Variants in EYA4 observed in about 807,000 individuals in gnomAD.
EYA4 encodes protein phosphatase EYA4.
EYA4 carries 31 observed loss-of-function variants against 87.9 expected under a neutral mutation model. The observed-to-expected ratio is 0.35, with a 90% CI of 0.27 to 0.48. The LOEUF is 0.48. Among genes scored for constraint, EYA4 ranks in the 20% least tolerant of loss-of-function variants. The probability of loss-of-function intolerance (pLI) is 0.99; values close to 1 mark genes in which losing one functional copy is unlikely to be tolerated. For synonymous variants in EYA4, 263 were observed against 270.6 expected (o/e 0.97, Z 0.28); for missense variants, 678 against 761.4 (o/e 0.89, Z 1.29).
At chr6:133,495,197 A>C (rs1327045510) in intron 13 of EYA4, among the ~76,000 whole-genome samples, 1 of 152,072 alleles carries the variant, frequency 6.6e-6, no homozygotes, top group African/African-American at 2.4e-5. Context: ...TGAACCCCAG[A>C]GGCAGAGGTT....
At position 133,529,348 on chromosome 6, in the gene EYA4, A is replaced by T; in HGVS notation, c.*543A>T. ...TATTAGCAGCTGACTTTCAAAGTGG[A>T]TGCAATTTTTCTTTCTTTTGTTGGG... On this transcript the variant is annotated 3_prime_UTR_variant, in exon 20 of 20. Transcript: ENST00000355286. 4.0e-6 allele frequency: 4 copies of T among 994,218 alleles called. No individual in the cohort carries two copies. The highest frequency in any genetic ancestry group is 5.2e-4 in the Middle Eastern group (1 of 1,926). 61.6% of individuals were successfully genotyped at this position (994,218 alleles called of 1,614,324 possible).
intron 3 of EYA4, among the ~76,000 whole-genome samples, chr6:133,422,521 TA>T (rs1430617849): frequency 6.6e-6 from 1 of 152,228 alleles, no homozygotes; most frequent in African/African-American, 2.4e-5. Context: ...CTCTTTTAGA[TA>T]GACATTTAAG....
At chr6:133,384,849 A>G (rs1037807762) in intron 3 of EYA4, among the ~76,000 whole-genome samples, 4 of 152,250 alleles carry the variant, frequency 2.6e-5, no homozygotes, top group African/African-American at 9.6e-5. Context: ...AATTTACTGA[A>G]TAGTGAACAA....
chr6:133,467,885 A>G (rs1794985873), intron 10 of EYA4, among the ~76,000 whole-genome samples: 1 of 152,060 alleles, frequency 6.6e-6, no homozygotes, highest in African/African-American at 2.4e-5. Context: ...ATTTTTAAAT[A>G]AAAAGCAGGT....
At chr6:133,349,827 G>C (rs12526763) in intron 2 of EYA4, among the ~76,000 whole-genome samples, 1 of 152,028 alleles carries the variant, frequency 6.6e-6, no homozygotes, top group Non-Finnish European at 1.5e-5. Flanking sequence ...CATAAATATC[G>C]ATTTCCAATT....
At chr6:133,373,541 A>C (rs891527600) in intron 2 of EYA4, among the ~76,000 whole-genome samples, 3 of 152,068 alleles carry the variant, frequency 2.0e-5, no homozygotes, top group African/African-American at 7.2e-5. Context: ...GAAGCTGCAC[A>C]GTAGTCAGCA....
At chr6:133,313,261 G>A (rs530097958) in intron 2 of EYA4, among the ~76,000 whole-genome samples, 1 of 152,300 alleles carries the variant, frequency 6.6e-6, no homozygotes, top group Non-Finnish European at 1.5e-5. Flanking sequence ...TGTGGAGTAG[G>A]AAAGTTTGCT....
At chr6:133,478,519 G>A (rs1222937239) in intron 11 of EYA4, among the ~76,000 whole-genome samples, 1 of 152,024 alleles carries the variant, frequency 6.6e-6, no homozygotes, top group Admixed American at 6.6e-5. Context: ...CTAGAATATG[G>A]ATTATCTCAC....
At chr6:133,528,696 T>A (rs1800827341) in intron 19 of EYA4, 29 bp from the exon 20 acceptor site, 1 of 1,480,874 alleles carries the variant, frequency 6.8e-7, no homozygotes, top group East Asian at 2.3e-5. Context: ...CCCTTCTCTC[T>A]CCCATCCCTC....
intron 2 of EYA4, among the ~76,000 whole-genome samples, chr6:133,352,601 T>C (rs994318629): frequency 1.3e-5 from 2 of 152,182 alleles, no homozygotes; most frequent in Admixed American, 6.5e-5. Context: ...TGTGAGAATA[T>C]ATTTTTTCTT....
At chr6:133,381,685 T>C (rs894325740) in intron 2 of EYA4, among the ~76,000 whole-genome samples, 1 of 152,154 alleles carries the variant, frequency 6.6e-6, no homozygotes, top group Non-Finnish European at 1.5e-5. Flanking sequence ...AAGACCATAA[T>C]AATCAGATAT....
chr6:133,367,690 G>A (rs984225113), intron 2 of EYA4, among the ~76,000 whole-genome samples: 5 of 152,086 alleles, frequency 3.3e-5, no homozygotes, highest in African/African-American at 1.2e-4. Flanking sequence ...TTTAAAACAA[G>A]GGAAATTAAG....
chr6:133,499,511 T>C (rs1797926187), intron 13 of EYA4, among the ~76,000 whole-genome samples: 1 of 152,206 alleles, frequency 6.6e-6, no homozygotes, highest in South Asian at 2.1e-4. Flanking sequence ...AAGCCTCTAG[T>C]GGTAAGTTGT....
At chr6:133,435,845 ACACACACAGACACAAACATGTGTG>A (rs1791613686) in intron 3 of EYA4, among the ~76,000 whole-genome samples, 1 of 151,262 alleles carries the variant, frequency 6.6e-6, no homozygotes, top group South Asian at 2.1e-4. Context: ...GTGTACACAC[ACACACACAGACACAAACATGTGTG>A]CACACACACA....
chr6:133,330,378 C>T (rs1440989989), intron 2 of EYA4, among the ~76,000 whole-genome samples: 1 of 151,922 alleles, frequency 6.6e-6, no homozygotes, highest in East Asian at 1.9e-4. Flanking sequence ...TTATAAATTA[C>T]CCCCTCTGCT....
intron 6 of EYA4, among the ~76,000 whole-genome samples, chr6:133,459,342 C>G (rs1042214289): frequency 6.6e-6 from 1 of 152,032 alleles, no homozygotes; most frequent in Admixed American, 6.6e-5. Context: ...CCTATATATT[C>G]AGAATTGAGT....
At chr6:133,511,919 T>C (rs1254395044) in intron 14 of EYA4, among the ~76,000 whole-genome samples, 1 of 151,762 alleles carries the variant, frequency 6.6e-6, no homozygotes, top group Non-Finnish European at 1.5e-5. Context: ...AGGCAGAGCT[T>C]GCAGTGAGCC....
At chr6:133,333,093 G>C (rs527644619) in intron 2 of EYA4, among the ~76,000 whole-genome samples, 9 of 152,208 alleles carry the variant, frequency 5.9e-5, no homozygotes, top group Admixed American at 1.3e-4. Context: ...CATGTGCCAA[G>C]GCTTTTGCTT....
At chr6:133,393,092 ATTGCTTAGGGG>A (rs1156562832) in intron 3 of EYA4, among the ~76,000 whole-genome samples, 1 of 152,164 alleles carries the variant, frequency 6.6e-6, no homozygotes, top group African/African-American at 2.4e-5. Context: ...ATTCTCCAAG[ATTGCTTAGGGG>A]TTATTAAGCA....
Sources: allele counts gnomAD v4.1 joint callset (sites outside exome capture counted in the v4.1 genomes callset), GRCh38; gene constraint gnomAD v4.1.1; transcripts MANE v1.5; gene names NCBI Gene and HGNC (gene_info 2026-07-23, HGNC 2026-07-21).